Variants in CSMD1 observed in about 807,000 individuals in gnomAD.
The protein encoded by CSMD1 is CUB and Sushi multiple domains 1, also known as CUB and sushi domain-containing protein 1.
Under a neutral mutation model 417.5 loss-of-function variants are expected in CSMD1, and 213 were observed. That is an observed-to-expected ratio of 0.51 (90% CI 0.46 to 0.57). The LOEUF is 0.57. CSMD1 is among the 20% of genes least tolerant of loss of function. The probability of loss-of-function intolerance (pLI) is 0.00; values close to 1 mark genes in which losing one functional copy is unlikely to be tolerated. For synonymous variants in CSMD1, 2,862 were observed against 1,736.8 expected (o/e 1.65, Z -16.11); for missense variants, 6,923 against 4,529.7 (o/e 1.53, Z -15.17).
intron 5 of CSMD1, among the ~76,000 whole-genome samples, chr8:3,785,984 C>T (rs934824363): frequency 2.0e-5 from 3 of 152,128 alleles, no homozygotes; most frequent in Non-Finnish European, 2.9e-5. Flanking sequence ...CCCCAGGAGA[C>T]CTGAGTACTT....
At chr8:3,926,601 A>T (rs1809747150) in intron 5 of CSMD1, among the ~76,000 whole-genome samples, 1 of 151,764 alleles carries the variant, frequency 6.6e-6, no homozygotes, top group South Asian at 2.1e-4. Context: ...TAATTTTATC[A>T]GTTGTTTAAA....
At chr8:4,959,892 A>G (rs1354031032) in intron 1 of CSMD1, among the ~76,000 whole-genome samples, 2 of 152,236 alleles carry the variant, frequency 1.3e-5, no homozygotes, top group Non-Finnish European at 2.9e-5. Context: ...CCTCATTAGA[A>G]TTGCAACAAC....
At chr8:4,351,862 T>C (rs889172494) in intron 3 of CSMD1, among the ~76,000 whole-genome samples, 7 of 151,756 alleles carry the variant, frequency 4.6e-5, no homozygotes, top group African/African-American at 1.2e-4. Context: ...CTGGTCATTA[T>C]ATACGACAGG....
At chr8:4,674,343 A>C (rs1297628518) in intron 1 of CSMD1, among the ~76,000 whole-genome samples, 1 of 152,166 alleles carries the variant, frequency 6.6e-6, no homozygotes, top group Non-Finnish European at 1.5e-5. Context: ...AGGTAAACGC[A>C]AGTGGAAATA....
intron 7 of CSMD1, among the ~76,000 whole-genome samples, chr8:3,691,708 C>T (rs964137456): frequency 6.6e-6 from 1 of 152,050 alleles, no homozygotes; most frequent in Non-Finnish European, 1.5e-5. Flanking sequence ...AAATAAAACC[C>T]TATAAGGTAA....
At chr8:4,114,122 G>A (rs954445085) in intron 3 of CSMD1, among the ~76,000 whole-genome samples, 1 of 152,170 alleles carries the variant, frequency 6.6e-6, no homozygotes. Flanking sequence ...GACTTTCATA[G>A]GAGGAAAGAG....
chr8:3,222,927 T>C (rs1469431424), intron 28 of CSMD1, among the ~76,000 whole-genome samples: 1 of 152,114 alleles, frequency 6.6e-6, no homozygotes, highest in African/African-American at 2.4e-5. Flanking sequence ...GACATAAAGA[T>C]CTGCAGAAAA....
chr8:3,665,751 G>GAT (rs1554504331), intron 7 of CSMD1, among the ~76,000 whole-genome samples: 1 of 152,004 alleles, frequency 6.6e-6, no homozygotes, highest in Non-Finnish European at 1.5e-5. Flanking sequence ...AATATAGGAA[G>GAT]GTGTTTATCC....
At chr8:4,668,466 T>TA (rs1805088785) in intron 1 of CSMD1, among the ~76,000 whole-genome samples, 2 of 146,710 alleles carry the variant, frequency 1.4e-5, no homozygotes, top group South Asian at 4.3e-4. Flanking sequence ...TTATTATTAT[T>TA]TGAGATGGAG....
At chr8:4,522,252 C>T (rs917380250) in intron 2 of CSMD1, among the ~76,000 whole-genome samples, 2 of 152,154 alleles carry the variant, frequency 1.3e-5, no homozygotes, top group Non-Finnish European at 2.9e-5. Flanking sequence ...CTGCTGCCAT[C>T]CACATAAGAC....
intron 5 of CSMD1, among the ~76,000 whole-genome samples, chr8:3,942,605 G>A (rs907891364): frequency 3.9e-5 from 6 of 152,142 alleles, no homozygotes; most frequent in Admixed American, 1.3e-4. Context: ...CTCTAAAGGC[G>A]ACATTGGTCC....
chr8:3,432,095 C>A (rs1814255134), intron 12 of CSMD1, among the ~76,000 whole-genome samples: 2 of 152,140 alleles, frequency 1.3e-5, no homozygotes, highest in Admixed American at 1.3e-4. Flanking sequence ...AGTCCCAGAA[C>A]CCAGTTGGTA....
chr8:4,447,022 G>T (rs775125670), intron 2 of CSMD1, among the ~76,000 whole-genome samples: 2 of 152,030 alleles, frequency 1.3e-5, no homozygotes, highest in African/African-American at 4.8e-5. Flanking sequence ...AAGGGATTGT[G>T]GAGTTAACAA....
intron 6 of CSMD1, among the ~76,000 whole-genome samples, chr8:3,726,342 AT>A (rs1258423728): frequency 2.6e-5 from 4 of 152,288 alleles, no homozygotes; most frequent in African/African-American, 9.6e-5. Context: ...AATTCCGGTA[AT>A]TTATTTGTAG....
chr8:4,433,767 A>G (rs1465878246), intron 2 of CSMD1, among the ~76,000 whole-genome samples: 1 of 152,156 alleles, frequency 6.6e-6, no homozygotes, highest in Non-Finnish European at 1.5e-5. Context: ...GAATTTATAG[A>G]TGGAGTTTAA....
intron 8 of CSMD1, among the ~76,000 whole-genome samples, chr8:3,607,470 T>C (rs1269274135): frequency 2.0e-5 from 3 of 152,224 alleles, no homozygotes; most frequent in African/African-American, 7.2e-5. Flanking sequence ...TTGATTCTCA[T>C]TATCAAGTAT....
intron 2 of CSMD1, among the ~76,000 whole-genome samples, chr8:4,424,385 A>G (rs76927341): frequency 0.09 from 13,347 of 147,712 alleles, 838 homozygotes; most frequent in Non-Finnish European, 0.12. Context: ...CAACAAGCAG[A>G]AAAGTCAGGT....
intron 10 of CSMD1, among the ~76,000 whole-genome samples, chr8:3,534,823 A>C (rs1798125247): frequency 6.6e-6 from 1 of 152,198 alleles, no homozygotes; most frequent in Non-Finnish European, 1.5e-5. Flanking sequence ...TCTTTGGGTC[A>C]CATTTTGGGA....
At chr8:4,627,114 C>G (rs1802162913) in intron 2 of CSMD1, among the ~76,000 whole-genome samples, 1 of 152,014 alleles carries the variant, frequency 6.6e-6, no homozygotes, top group Admixed American at 6.6e-5. Flanking sequence ...ATTCAGTAAA[C>G]AACTATACAT....
Sources: gnomAD v4.1 joint callset for allele counts (sites outside exome capture counted in the v4.1 genomes callset) on GRCh38, gnomAD v4.1.1 for gene constraint, MANE v1.5 for transcripts, NCBI Gene and HGNC (gene_info 2026-07-23, HGNC 2026-07-21) for gene names.